EMSY: variants seen among roughly 807,000 people sequenced by gnomAD.
The protein encoded by EMSY is EMSY transcriptional repressor, BRCA2 interacting.
EMSY carries 26 observed loss-of-function variants against 134.6 expected under a neutral mutation model. The observed-to-expected ratio is 0.19, with a 90% CI of 0.14 to 0.27. The LOEUF (loss-of-function observed/expected upper bound fraction) is 0.27, where lower values mean the gene tolerates loss of function less well. Among genes scored for constraint, EMSY ranks in the 10% least tolerant of loss-of-function variants. EMSY has a pLI of 1.00. For synonymous variants in EMSY, 579 were observed against 577.8 expected, an observed-to-expected ratio of 1.00 and a Z score of -0.03; for missense variants, 1,305 against 1,611.4, an observed-to-expected ratio of 0.81 and a Z score of 3.26.
intron 8 of EMSY, among the ~76,000 whole-genome samples, chr11:76,480,253 G>A (rs1948918454): frequency 6.6e-6 from 1 of 152,222 alleles, no homozygotes; most frequent in Non-Finnish European, 1.5e-5. Context: ...ATGTGGTAAT[G>A]TAGGAGGCAC....
At chr11:76,503,780 CAATTT>C (rs1432890526) in intron 9 of EMSY, among the ~76,000 whole-genome samples, 6 of 151,898 alleles carry the variant, frequency 4.0e-5, no homozygotes. Flanking sequence ...CTGCTGTATT[CAATTT>C]AATTTATTTA....
At chr11:76,527,442 G>A (rs1950883932) in intron 13 of EMSY, among the ~76,000 whole-genome samples, 1 of 152,072 alleles carries the variant, frequency 6.6e-6, no homozygotes, top group Admixed American at 6.6e-5. Context: ...TCTTGGAAAT[G>A]GGTAACTTAA....
At chr11:76,475,613 C>T (rs1056036706) in intron 8 of EMSY, among the ~76,000 whole-genome samples, 9 of 152,114 alleles carry the variant, frequency 5.9e-5, no homozygotes, top group Admixed American at 5.9e-4. Context: ...CTCAAGGAAA[C>T]GATGTGATTA....
At chr11:76,532,943 A>G (rs990077412) in intron 14 of EMSY, among the ~76,000 whole-genome samples, 2 of 152,186 alleles carry the variant, frequency 1.3e-5, no homozygotes, top group Non-Finnish European at 1.5e-5. Context: ...GCTAATATGT[A>G]TATGAAAGAT....
chr11:76,492,668 G>A (rs1441417576), intron 8 of EMSY, among the ~76,000 whole-genome samples: 1 of 152,126 alleles, frequency 6.6e-6, no homozygotes, highest in Non-Finnish European at 1.5e-5. Context: ...CACAGAGCCC[G>A]CAGGGAGCCA....
In EMSY at chr11:76,460,095, A is replaced by T; in HGVS notation, c.571+10A>T. ...ACTGTTTATGTCAAAAGTAAGTGAT[A>T]TTCTCAGTGTTATCAGGGCCTTCTT... On this transcript the variant is annotated intron_variant, in intron 6 of 20. Transcript: ENST00000334736. The T allele has an allele frequency of 2.5e-6, 4 of 1,614,044 alleles. No individual in the cohort carries two copies. Among genetic ancestry groups the T allele is most frequent in the Non-Finnish European group, 3.4e-6 (4 of 1,179,862 alleles).
At chr11:76,484,285 A>G (rs1949094422) in intron 8 of EMSY, among the ~76,000 whole-genome samples, 1 of 152,250 alleles carries the variant, frequency 6.6e-6, no homozygotes, top group African/African-American at 2.4e-5. Flanking sequence ...CTAAATGTCC[A>G]CAGGAGAAAG....
chr11:76,457,014 G>C (rs1355065069), intron 4 of EMSY, among the ~76,000 whole-genome samples: 1 of 152,090 alleles, frequency 6.6e-6, no homozygotes, highest in East Asian at 1.9e-4. Flanking sequence ...TGATATCTCT[G>C]ACTCAGTTTC....
intron 9 of EMSY, among the ~76,000 whole-genome samples, chr11:76,503,278 G>A (rs1949946278): frequency 7.4e-6 from 1 of 135,498 alleles, no homozygotes; most frequent in Non-Finnish European, 1.5e-5. Context: ...TCTAGCCTGG[G>A]TGACAGAGCA....
At chr11:76,453,210 C>A in intron 3 of EMSY, 104 bp from the exon 4 acceptor site, 3 of 941,278 alleles carry the variant, frequency 3.2e-6, no homozygotes, top group South Asian at 1.6e-5. Flanking sequence ...ACAAAGCAAT[C>A]TTGTCCCCCT....
chr11:76,528,256 C>T lies in EMSY; in HGVS notation c.1996-12C>T, dbSNP rs1590982583. The T allele has an allele frequency of 6.2e-7, 1 of 1,609,062 alleles. No individual in the cohort carries two copies. Among genetic ancestry groups the T allele is most frequent in the Non-Finnish European group, 8.5e-7 (1 of 1,177,004 alleles). Reference sequence around the variant, plus strand: ...AAAATTTTATCTCAGTATATTTCTGCTTTTCTCCTAGGTTCTTATTAAACC... The same window carrying T: ...AAAATTTTATCTCAGTATATTTCTGTTTTTCTCCTAGGTTCTTATTAAACC... On this transcript the variant is annotated splice_polypyrimidine_tract_variant and intron_variant, in intron 13 of 20. Coordinates refer to ENST00000334736, the Ensembl canonical transcript of EMSY.
chr11:76,447,084 C>A, intron 2 of EMSY, 76 bp downstream of exon 2: 1 of 1,331,752 alleles, frequency 7.5e-7, no homozygotes, highest in Non-Finnish European at 1.1e-6. Flanking sequence ...TAGCTGTTTG[C>A]ATGGATGTCA....
intron 7 of EMSY, 73 bp downstream of exon 8, chr11:76,464,153 C>A: frequency 6.5e-7 from 1 of 1,541,808 alleles, no homozygotes; most frequent in South Asian, 1.2e-5. Context: ...AATAAACATG[C>A]ACTGAGTGCT....
At chr11:76,545,927 T>G (rs1242636192) in exon 20 of EMSY, 1 of 1,614,198 alleles carries the variant, frequency 6.2e-7, no homozygotes, top group South Asian at 1.1e-5. Context: ...GTTACAAGCA[T>G]ATCTCCCATT....
chr11:76,451,023 T>G (rs1394799411), intron 2 of EMSY, among the ~76,000 whole-genome samples: 2 of 151,896 alleles, frequency 1.3e-5, no homozygotes, highest in Non-Finnish European at 2.9e-5. Flanking sequence ...TCTCGAACTC[T>G]TGGACTCAAG....
intron 8 of EMSY, among the ~76,000 whole-genome samples, chr11:76,477,221 C>T (rs897124689): frequency 8.0e-5 from 12 of 149,552 alleles, no homozygotes; most frequent in Admixed American, 5.3e-4. Context: ...TTAAAAGTCA[C>T]GTGAAATTCT....
intron 2 of EMSY, among the ~76,000 whole-genome samples, chr11:76,448,477 G>A (rs1329044907): frequency 6.6e-6 from 1 of 152,122 alleles, no homozygotes; most frequent in Non-Finnish European, 1.5e-5. Flanking sequence ...CACAAAGACA[G>A]TAGATTGAAT....
exon 20 of EMSY, chr11:76,545,877 G>A (rs2136813664): frequency 6.2e-7 from 1 of 1,614,126 alleles, no homozygotes; most frequent in Non-Finnish European, 8.5e-7. Flanking sequence ...CAGTTACAAA[G>A]ATAACTGGTG....
chr11:76,525,528 AAGT>A (rs1950815714), intron 12 of EMSY, among the ~76,000 whole-genome samples: 1 of 152,210 alleles, frequency 6.6e-6, no homozygotes, highest in African/African-American at 2.4e-5. Flanking sequence ...TTTCCATCTT[AAGT>A]TTATGGATTT....
Sources: gnomAD v4.1 joint callset for allele counts (sites outside exome capture counted in the v4.1 genomes callset) on GRCh38, gnomAD v4.1.1 for gene constraint, MANE v1.5 for transcripts, NCBI Gene and HGNC (gene_info 2026-07-23, HGNC 2026-07-21) for gene names.